Variants in HCN1 observed in about 807,000 individuals in gnomAD.
HCN1 encodes hyperpolarization activated cyclic nucleotide gated potassium channel 1, also known as potassium/sodium hyperpolarization-activated cyclic nucleotide-gated channel 1.
In HCN1, 13 loss-of-function variants were observed where a neutral mutation model predicts 78.9. The observed-to-expected ratio is 0.16, with a 90% CI of 0.11 to 0.26. The LOEUF (loss-of-function observed/expected upper bound fraction) is 0.26, where lower values mean the gene tolerates loss of function less well. HCN1 is among the 10% of genes least tolerant of loss of function. HCN1 has a pLI of 1.00. For synonymous variants in HCN1, 552 were observed against 455.5 expected (o/e 1.21, Z -2.70); for missense variants, 810 against 1,154.3 (o/e 0.70, Z 4.32).
intron 2 of HCN1, among the ~76,000 whole-genome samples, chr5:45,537,555 T>TTC (rs1742993885): frequency 7.3e-6 from 1 of 136,852 alleles, no homozygotes; most frequent in African/African-American, 3.0e-5. Context: ...TTTTTTTTTT[T>TTC]TGAGACAGAG....
intron 2 of HCN1, among the ~76,000 whole-genome samples, chr5:45,542,335 C>T (rs762141115): frequency 6.6e-6 from 1 of 152,030 alleles, no homozygotes; most frequent in Non-Finnish European, 1.5e-5. Flanking sequence ...TTGATTAATG[C>T]TTTTTCTTTG....
intron 2 of HCN1, among the ~76,000 whole-genome samples, chr5:45,626,929 AC>A (rs1460219526): frequency 1.3e-5 from 2 of 151,884 alleles, no homozygotes; most frequent in Admixed American, 1.3e-4. Context: ...GTATATGATT[AC>A]CATATATATA....
intron 6 of HCN1, among the ~76,000 whole-genome samples, chr5:45,274,148 T>C (rs1413297267): frequency 6.6e-6 from 1 of 152,142 alleles, no homozygotes; most frequent in Non-Finnish European, 1.5e-5. Flanking sequence ...TTACATATTA[T>C]AATATTCTAA....
At chr5:45,470,911 G>A (rs976882486) in intron 2 of HCN1, among the ~76,000 whole-genome samples, 2 of 151,756 alleles carry the variant, frequency 1.3e-5, no homozygotes, top group Non-Finnish European at 1.5e-5. Flanking sequence ...TATCATAATT[G>A]TTGTTTTCTT....
intron 4 of HCN1, among the ~76,000 whole-genome samples, chr5:45,389,374 A>C (rs1747993771): frequency 6.6e-6 from 1 of 152,128 alleles, no homozygotes; most frequent in Non-Finnish European, 1.5e-5. Context: ...CAAGTAAAAA[A>C]TCTTAAAATC....
chr5:45,302,965 T>C (rs913457626), intron 6 of HCN1, among the ~76,000 whole-genome samples: 1 of 152,080 alleles, frequency 6.6e-6, no homozygotes, highest in Non-Finnish European at 1.5e-5. Context: ...CCTCTTTTTT[T>C]CCCAGTTTCA....
chr5:45,694,701 G>A (rs1739972041), intron 1 of HCN1, among the ~76,000 whole-genome samples: 1 of 152,130 alleles, frequency 6.6e-6, no homozygotes, highest in African/African-American at 2.4e-5. Context: ...CCTTGTTCAG[G>A]AGCTAAGATA....
chr5:45,438,492 G>A (rs1740605977), intron 3 of HCN1, among the ~76,000 whole-genome samples: 1 of 151,890 alleles, frequency 6.6e-6, no homozygotes, highest in Non-Finnish European at 1.5e-5. Flanking sequence ...TTGGGGGGCT[G>A]AGGTAGGAGA....
chr5:45,506,162 A>G (rs754249195), intron 2 of HCN1, among the ~76,000 whole-genome samples: 37 of 152,194 alleles, frequency 2.4e-4, no homozygotes, highest in Non-Finnish European at 4.1e-4. Context: ...CTGCTAAAAT[A>G]TATCTCAAAC....
chr5:45,533,017 G>A (rs955445269), intron 2 of HCN1, among the ~76,000 whole-genome samples: 1 of 152,162 alleles, frequency 6.6e-6, no homozygotes, highest in Non-Finnish European at 1.5e-5. Flanking sequence ...GTCACTGACA[G>A]AGACAAATGA....
chr5:45,620,465 T>A (rs1163459533), intron 2 of HCN1, among the ~76,000 whole-genome samples: 1 of 151,884 alleles, frequency 6.6e-6, no homozygotes, highest in Non-Finnish European at 1.5e-5. Flanking sequence ...AAATCTAAAA[T>A]TATTTTCAAA....
intron 2 of HCN1, among the ~76,000 whole-genome samples, chr5:45,561,515 C>T (rs189430449): frequency 7.9e-4 from 119 of 151,000 alleles, no homozygotes; most frequent in African/African-American, 2.6e-3. Flanking sequence ...ATGTGTATTA[C>T]TAAGATAAAA....
chr5:45,417,182 A>T (rs1740135153), intron 3 of HCN1, among the ~76,000 whole-genome samples: 1 of 151,968 alleles, frequency 6.6e-6, no homozygotes, highest in South Asian at 2.1e-4. Context: ...TTTTCAAGAG[A>T]TAGCTCACGG....
intron 3 of HCN1, among the ~76,000 whole-genome samples, chr5:45,401,809 G>A (rs1316785331): frequency 6.6e-6 from 1 of 151,644 alleles, no homozygotes; most frequent in Non-Finnish European, 1.5e-5. Flanking sequence ...CTATAAAAAT[G>A]GTATTTGTGT....
intron 3 of HCN1, among the ~76,000 whole-genome samples, chr5:45,443,176 A>G (rs1368246347): frequency 6.6e-6 from 1 of 152,044 alleles, no homozygotes; most frequent in Non-Finnish European, 1.5e-5. Flanking sequence ...ACCATAATAT[A>G]TTCAATTGTA....
chr5:45,299,718 TAACA>T (rs1301547410), intron 6 of HCN1, among the ~76,000 whole-genome samples: 1 of 151,984 alleles, frequency 6.6e-6, no homozygotes, highest in Non-Finnish European at 1.5e-5. Flanking sequence ...TTGTGAAGCC[TAACA>T]AATATTCAAA....
At chr5:45,353,434 C>A (rs764227524) in intron 4 of HCN1, among the ~76,000 whole-genome samples, 188 bp from the exon 5 acceptor site, 1 of 151,800 alleles carries the variant, frequency 6.6e-6, no homozygotes, top group Non-Finnish European at 1.5e-5. Flanking sequence ...ATGTATAAGG[C>A]ATTTTATTTA....
intron 5 of HCN1, among the ~76,000 whole-genome samples, chr5:45,309,006 T>A (rs554535937): frequency 6.6e-6 from 1 of 152,218 alleles, no homozygotes; most frequent in Non-Finnish European, 1.5e-5. Context: ...GAGTATGGAA[T>A]GTTTTTCCAT....
intron 4 of HCN1, among the ~76,000 whole-genome samples, chr5:45,376,651 C>T (rs1034916106): frequency 6.6e-6 from 1 of 151,862 alleles, no homozygotes; most frequent in Non-Finnish European, 1.5e-5. Context: ...TTCCATGAGT[C>T]ATGCAGGGCA....
Sources: gnomAD v4.1 joint callset for allele counts (sites outside exome capture counted in the v4.1 genomes callset) on GRCh38, gnomAD v4.1.1 for gene constraint, MANE v1.5 for transcripts, NCBI Gene and HGNC (gene_info 2026-07-23, HGNC 2026-07-21) for gene names.